The following N4BP2 variants were observed in gnomAD, a reference collection of about 807,000 sequenced individuals.
The protein encoded by N4BP2 is NEDD4 binding protein 2, also known as NEDD4-binding protein 2.
Under a neutral mutation model 152.8 loss-of-function variants are expected in N4BP2, and 91 were observed. That is an observed-to-expected ratio of 0.60 (90% CI 0.50 to 0.71). The LOEUF is 0.71. N4BP2 is among the 30% of genes least tolerant of loss of function. The pLI is 0.00. For synonymous variants in N4BP2, 646 were observed against 705.3 expected, an observed-to-expected ratio of 0.92 and a Z score of 1.33; for missense variants, 1,923 against 2,059.1, an observed-to-expected ratio of 0.93 and a Z score of 1.28.
At chr4:40,168,163 AAAG>A in the N4BP2 span, among the ~76,000 whole-genome samples, 1 of 152,160 alleles carries the variant, frequency 6.6e-6, no homozygotes, top group African/African-American at 2.4e-5. Context: ...GAAAAGGAAA[AAAG>A]AAAATTAATG....
At chr4:40,095,062 C>T (rs755090772) in intron 2 of N4BP2, among the ~76,000 whole-genome samples, 15 of 150,988 alleles carry the variant, frequency 9.9e-5, no homozygotes, top group Admixed American at 6.6e-4. Context: ...AGTCGCGAGC[C>T]CCTGAGTCTG....
chr4:40,121,210 T>C lies in N4BP2; in HGVS notation c.3099T>C (p.Ile1033=), dbSNP rs764142907. 3.7e-6 allele frequency: 6 copies of C among 1,613,916 alleles called. No homozygotes were observed. The highest frequency in any genetic ancestry group is 3.3e-5 in the South Asian group (3 of 91,066). ...TATGGAAAATAGAAAAGAATAAAATTAGCATTTCAGATTCTATCAAAGTAT... is the reference window on the plus strand; with the variant it reads ...TATGGAAAATAGAAAAGAATAAAATCAGCATTTCAGATTCTATCAAAGTAT... ...ALLWKIEKNK[I]SISDSIKVLT... The change falls in exon 9 of 18, where the codon ATT becomes ATC. Residue 1033 remains isoleucine, a synonymous_variant. Transcript: ENST00000261435.
At chr4:40,060,097 G>A (rs66840598) in intron 1 of N4BP2, among the ~76,000 whole-genome samples, 40,861 of 151,038 alleles carry the variant, frequency 0.27, 6,031 homozygotes, top group South Asian at 0.48. Context: ...GCCTCTCAAG[G>A]CGCTGAGATT....
the N4BP2 span, among the ~76,000 whole-genome samples, chr4:40,183,498 G>C: frequency 0.094 from 14,244 of 151,988 alleles, 711 homozygotes; most frequent in African/African-American, 0.14. Context: ...ACCGTGCCCA[G>C]CTAATTTTTT....
intron 4 of N4BP2, among the ~76,000 whole-genome samples, chr4:40,106,010 C>CT (rs1716240604): frequency 6.6e-6 from 1 of 152,150 alleles, no homozygotes; most frequent in Non-Finnish European, 1.5e-5. Flanking sequence ...GCTTTTGTGT[C>CT]TTTTTTTGTT....
At chr4:40,086,774 G>C (rs942692503) in intron 2 of N4BP2, among the ~76,000 whole-genome samples, 1 of 151,942 alleles carries the variant, frequency 6.6e-6, no homozygotes, top group Admixed American at 6.6e-5. Context: ...TTGAGACAAG[G>C]TTTTGCTTTG....
chr4:40,179,555 C>T, the N4BP2 span, among the ~76,000 whole-genome samples: 17 of 152,106 alleles, frequency 1.1e-4, no homozygotes, highest in Non-Finnish European at 2.1e-4. Context: ...TTATTATCCC[C>T]ATTTAACAGT....
Position 40,121,390 on chromosome 4 carries a change from C to T in N4BP2, c.3279C>T (p.Asn1093=), listed in dbSNP as rs2109997151. The part of the protein sequence containing the change: ...LTSADESENL[N]ILCKLFGSFS... ...GTGCAGATGAATCTGAAAATCTTAACATTCTTTGTAAACTGTTTGGATCCT... is the reference window on the plus strand; with the variant it reads ...GTGCAGATGAATCTGAAAATCTTAATATTCTTTGTAAACTGTTTGGATCCT... The change falls in exon 9 of 18, where the codon AAC becomes AAT. Residue 1093 remains asparagine, a synonymous_variant. Coordinates refer to ENST00000261435, the MANE Select transcript of N4BP2 (RefSeq NM_018177.6). 2 of 1,612,500 alleles carry T rather than the reference C, an allele frequency of 1.2e-6. No homozygotes were observed. The highest frequency in any genetic ancestry group is 2.2e-5 in the East Asian group (1 of 44,866).
At chr4:40,149,080 A>C (rs990035446) in intron 16 of N4BP2, among the ~76,000 whole-genome samples, 9 of 152,244 alleles carry the variant, frequency 5.9e-5, no homozygotes, top group Admixed American at 1.3e-4. Context: ...ACATATAATT[A>C]ACCGTATGAC....
At chr4:40,109,276 G>A (rs984973105) in intron 5 of N4BP2, among the ~76,000 whole-genome samples, 7 of 152,172 alleles carry the variant, frequency 4.6e-5, no homozygotes, top group Non-Finnish European at 8.8e-5. Context: ...ATGATTTGGT[G>A]ATGAAGATCA....
chr4:40,057,057 A>T (rs1487779478), intron 1 of N4BP2, 27 bp downstream of exon 1: 1 of 152,220 alleles, frequency 6.6e-6, no homozygotes, highest in Non-Finnish European at 1.5e-5. Context: ...GGAGGCAGGG[A>T]GGCGGGTCCA....
At chr4:40,145,994 T>G (rs1720479545) in intron 16 of N4BP2, among the ~76,000 whole-genome samples, 2 of 151,926 alleles carry the variant, frequency 1.3e-5, no homozygotes, top group Admixed American at 1.3e-4. Flanking sequence ...AAACCCCGTC[T>G]CTACTAAAAA....
intron 14 of N4BP2, 151 bp downstream of exon 14, chr4:40,137,233 T>TCC: frequency 1.5e-6 from 1 of 663,822 alleles, no homozygotes; most frequent in Non-Finnish European, 2.5e-6. Context: ...GCTTATAATA[T>TCC]CTGTGCACTC....
chr4:40,071,499 TA>T (rs1712176112), intron 1 of N4BP2, among the ~76,000 whole-genome samples: 1 of 152,242 alleles, frequency 6.6e-6, no homozygotes, highest in African/African-American at 2.4e-5. Context: ...ATTATAAAGT[TA>T]TGGTTTTCTT....
At chr4:40,127,735 G>A (rs1371910123) in intron 12 of N4BP2, among the ~76,000 whole-genome samples, 1 of 151,866 alleles carries the variant, frequency 6.6e-6, no homozygotes, top group African/African-American at 2.4e-5. Context: ...ATCTTGGCTC[G>A]CTGCATGCTC....
intron 2 of N4BP2, among the ~76,000 whole-genome samples, chr4:40,084,284 A>G (rs972083892): frequency 6.6e-6 from 1 of 152,212 alleles, no homozygotes; most frequent in Non-Finnish European, 1.5e-5. Context: ...GATTTGCTGA[A>G]TGATGAGGTG....
intron 16 of N4BP2, among the ~76,000 whole-genome samples, chr4:40,149,528 A>G (rs985799121): frequency 5.3e-5 from 8 of 152,236 alleles, no homozygotes; most frequent in Non-Finnish European, 1.2e-4. Flanking sequence ...TGAATATGCT[A>G]AAAACCGCTT....
chr4:40,182,754 G>A, the N4BP2 span, among the ~76,000 whole-genome samples: 6,144 of 152,122 alleles, frequency 0.04, 413 homozygotes, highest in African/African-American at 0.14. Flanking sequence ...TCAGCTCAAT[G>A]GAACCTCTGC....
At chr4:40,101,307 C>CCG (rs1289494756) in intron 3 of N4BP2, among the ~76,000 whole-genome samples, 4 of 152,130 alleles carry the variant, frequency 2.6e-5, no homozygotes, top group African/African-American at 9.7e-5. Flanking sequence ...CAGGCATGCG[C>CCG]CGCCACTATG....
Sources: gnomAD v4.1 joint callset for allele counts (sites outside exome capture counted in the v4.1 genomes callset) on GRCh38, gnomAD v4.1.1 for gene constraint, MANE v1.5 for transcripts, NCBI Gene and HGNC (gene_info 2026-07-23, HGNC 2026-07-21) for gene names.